Variants in PANK4 observed in about 807,000 individuals in gnomAD.
PANK4 encodes pantothenate kinase 4 (inactive), also known as 4'-phosphopantetheine phosphatase.
PANK4 carries 40 observed loss-of-function variants against 87.9 expected under a neutral mutation model. The observed-to-expected ratio is 0.46, with a 90% CI of 0.35 to 0.59. The LOEUF is 0.59. Among genes scored for constraint, PANK4 ranks in the 20% least tolerant of loss-of-function variants. PANK4 has a pLI of 0.00. For missense variants in PANK4, 926 were observed against 1,072.3 expected (o/e 0.86, Z 1.90); for synonymous variants, 524 against 467.4 (o/e 1.12, Z -1.56).
intron 10 of PANK4, among the ~76,000 whole-genome samples, chr1:2,514,740 G>C (rs907213472): frequency 3.3e-5 from 5 of 151,854 alleles, no homozygotes; most frequent in African/African-American, 1.2e-4. Context: ...CCTGGGCTGT[G>C]GTCAGGGCAG....
chr1:2,519,129 G>A lies in PANK4; in HGVS notation c.1035+14C>T, dbSNP rs778778545. On this transcript the variant is annotated intron_variant, in intron 7 of 18. Coordinates refer to ENST00000378466, the MANE Select transcript of PANK4 (RefSeq NM_018216.4). This position sits in a 1 kb window ranked among gnomAD's most constrained non-coding sequence, Gnocchi z 8.3. ...GTCTGCGTTAGAGGCTGGGGAGGGC[G>A]GCGCATCCGTTACCTTGGAGAAGAA... 9 of 1,606,288 alleles carry A rather than the reference G, an allele frequency of 5.6e-6. No individual in the cohort carries two copies. The highest frequency in any genetic ancestry group is 1.1e-5 in the South Asian group (1 of 90,586).
In PANK4 at chr1:2,519,242, C is replaced by T; in HGVS notation, c.936G>A (p.Arg312=). 1 of 1,612,810 alleles carries T rather than the reference C, an allele frequency of 6.2e-7. No individual in the cohort carries two copies. Among genetic ancestry groups the T allele is most frequent in the Non-Finnish European group, 8.5e-7 (1 of 1,179,882 alleles). ...AGTACACGCGGTCCAGGCTGTGCAG[C>T]CGTGCGTGGAGGCAGGCCAGCTGCC... ...DIGQLACLHA[R]LHSLDRVYFG... is the part of the protein sequence containing the mutation. Residue 312 remains arginine (R), a synonymous_variant, in exon 7 of 19, where the codon CGG becomes CGA. Transcript: ENST00000378466. This position sits in a 1 kb window ranked among gnomAD's most constrained non-coding sequence, Gnocchi z 8.3.
At position 2,519,377 on chromosome 1, in the gene PANK4, A is replaced by T. The variant is rs963600145; in HGVS notation, c.854-53T>A. 1.5e-5 allele frequency: 16 copies of T among 1,088,848 alleles called. No homozygotes were observed. The highest frequency in any genetic ancestry group is 1.9e-5 in the Non-Finnish European group (15 of 799,936). 67.4% of individuals were successfully genotyped at this position (1,088,848 alleles called of 1,614,324 possible). On this transcript the variant is annotated intron_variant, in intron 6 of 18. Coordinates refer to ENST00000378466, the MANE Select transcript of PANK4 (RefSeq NM_018216.4). The surrounding 1 kb of genome is among the most constrained non-coding windows in gnomAD (Gnocchi z 8.3). ...TCTCCAAGTACAGCAAGTGCACGAC[A>T]TGAGAGCGAGCAGGAGGGGAGGGGG...
rs1012732691 is a variant in PANK4 at position 2,518,155 on chromosome 1, A to C, written c.1218+9T>G. ...CTGGGGCCCGGGGCGGCCAGAGCCCACTACTCACAGTGCCACTCCGCGCCC... is the reference window on the plus strand; with the variant it reads ...CTGGGGCCCGGGGCGGCCAGAGCCCCCTACTCACAGTGCCACTCCGCGCCC... On this transcript the variant is annotated intron_variant, in intron 9 of 18. Transcript: ENST00000378466. 2.5e-6 allele frequency: 4 copies of C among 1,583,978 alleles called. No individual in the cohort carries two copies. The African/African-American group carries it at 5.4e-5, about 21-fold the overall frequency.
At chr1:2,518,669 C>A (rs557293231) in intron 7 of PANK4, 72 bp from the exon 8 acceptor site, 8 of 1,281,852 alleles carry the variant, frequency 6.2e-6, no homozygotes, top group South Asian at 2.5e-5. Context: ...ACCAGCTCAA[C>A]GTGCGCGGGC....
rs1320282830 is a variant in PANK4 at position 2,515,260 on chromosome 1, CAA to C, written c.1374+300_1374+301del. 29 of 578,234 alleles carry C rather than the reference CAA, an allele frequency of 5.0e-5. No homozygotes were observed. The East Asian group carries it at 1.1e-3, about 22-fold the overall frequency. The allele number at this position is 578,234 out of a possible 1,614,324, so 35.8% of individuals were successfully genotyped here. ...TGCCTCCCGCACCTCAGTCACACCT[CAA>C]AAGAGCAGAGACGTCTCCTAAATTG... On this transcript the variant is annotated intron_variant, in intron 10 of 18. Transcript: ENST00000378466. The surrounding 1 kb of genome is among the most constrained non-coding windows in gnomAD (Gnocchi z 5.0).
At chr1:2,525,434 G>C (rs1157514269) in intron 1 of PANK4, among the ~76,000 whole-genome samples, 2 of 152,104 alleles carry the variant, frequency 1.3e-5, no homozygotes, top group Non-Finnish European at 1.5e-5. Context: ...AAGAGGGAGA[G>C]GTATGTGAAG....
chr1:2,517,193 A>G (rs879276842), intron 9 of PANK4, among the ~76,000 whole-genome samples: 6 of 151,592 alleles, frequency 4.0e-5, no homozygotes, highest in Non-Finnish European at 5.9e-5. Context: ...CCTCGCCCCC[A>G]CTCCCCTGCC....
chr1:2,508,667 A>G lies in PANK4; in HGVS notation c.*180T>C. The stretch of plus-strand genomic sequence containing the variant: ...AGCAGTTAAATAGATTCCAATATGA[A>G]CGTCTCCCAGGACAAAGCTGCGTCT... On this transcript the variant is annotated 3_prime_UTR_variant, in exon 19 of 19. Coordinates refer to ENST00000378466, the MANE Select transcript of PANK4 (RefSeq NM_018216.4). This position sits in a 1 kb window ranked among gnomAD's most constrained non-coding sequence, Gnocchi z 5.1. The G allele has an allele frequency of 1.8e-6, 1 of 543,688 alleles. No individual in the cohort carries two copies. The highest frequency in any genetic ancestry group is 3.3e-6 in the Non-Finnish European group (1 of 307,626). 33.7% of individuals were successfully genotyped at this position (543,688 alleles called of 1,614,324 possible).
At chr1:2,516,746 T>C (rs1643785296) in intron 9 of PANK4, among the ~76,000 whole-genome samples, 1 of 152,200 alleles carries the variant, frequency 6.6e-6, no homozygotes, top group South Asian at 2.1e-4. Flanking sequence ...CCAAAGCCAG[T>C]GCAGAAGGCG....
intron 9 of PANK4, among the ~76,000 whole-genome samples, chr1:2,517,753 G>A (rs7548829): frequency 0.029 from 4,390 of 152,376 alleles, 152 homozygotes; most frequent in African/African-American, 0.081. Context: ...ATCAGCCACA[G>A]TGCGCGGCAG....
rs1204224942 is a variant in PANK4, at chr1:2,509,956, C to A, written c.2040-26G>T. On this transcript the variant is annotated intron_variant, in intron 17 of 18. Coordinates refer to ENST00000378466, the MANE Select transcript of PANK4 (RefSeq NM_018216.4). The surrounding 1 kb of genome is among the most constrained non-coding windows in gnomAD (Gnocchi z 4.9). Reference sequence around the variant, plus strand: ...CTGCCAGATACAAGGTGGTCAGTGCCCCCAGGAGCTCCCAGTTCAGTGACA... The same window carrying A: ...CTGCCAGATACAAGGTGGTCAGTGCACCCAGGAGCTCCCAGTTCAGTGACA... The A allele has an allele frequency of 6.2e-6, 10 of 1,604,054 alleles. No individual in the cohort carries two copies. The highest frequency in any genetic ancestry group is 7.7e-6 in the Non-Finnish European group (9 of 1,175,498).
chr1:2,522,914 G>A (rs902700164), intron 1 of PANK4, among the ~76,000 whole-genome samples: 1 of 140,972 alleles, frequency 7.1e-6, no homozygotes, highest in Non-Finnish European at 1.5e-5. Flanking sequence ...AGAGGGCACC[G>A]TATGGTGCTA....
chr1:2,509,941 C>T lies in PANK4; in HGVS notation c.2040-11G>A, dbSNP rs1380162722. ...TCCTGGAGCGCAGAGCTGCCAGATA[C>T]AAGGTGGTCAGTGCCCCCAGGAGCT... On this transcript the variant is annotated splice_polypyrimidine_tract_variant and intron_variant, in intron 17 of 18. Coordinates refer to ENST00000378466, the MANE Select transcript of PANK4 (RefSeq NM_018216.4). The surrounding 1 kb of genome is among the most constrained non-coding windows in gnomAD (Gnocchi z 4.9). 1.9e-6 allele frequency: 3 copies of T among 1,610,296 alleles called. No homozygotes were observed. Among genetic ancestry groups the T allele is most frequent in the Middle Eastern group, 1.7e-4 (1 of 6,048 alleles).
rs1266039932 is a variant in PANK4 at position 2,510,633 on chromosome 1, A to G, written c.1938+45T>C. 1.7e-6 allele frequency: 2 copies of G among 1,167,588 alleles called. No homozygotes were observed. Among genetic ancestry groups the G allele is most frequent in the African/African-American group, 3.1e-5 (2 of 65,156 alleles). 72.3% of individuals were successfully genotyped at this position (1,167,588 alleles called of 1,614,324 possible). A position where few individuals can be genotyped will look rare whatever the true frequency, so the allele number is the denominator to read the frequency against. On this transcript the variant is annotated intron_variant, in intron 16 of 18. Coordinates refer to ENST00000378466, the MANE Select transcript of PANK4 (RefSeq NM_018216.4). This position sits in a 1 kb window ranked among gnomAD's most constrained non-coding sequence, Gnocchi z 4.9. ...CAGCGGCGCCAACCCCACCGAGAGC[A>G]GAGAAGCCCAGGGGAAGGGCCCCAC...
In PANK4 at chr1:2,512,961, C is replaced by T. The variant is rs574624164; in HGVS notation, c.1654G>A (p.Glu552Lys). ...VRSLDALGWE[E>K]RQLALVKGLL... ...CCTTTCACCAGCGCCAGCTGCCGTTCCTCCCAGCCCAGCGCGTCCAGGGAG... is the reference window on the plus strand; with the variant it reads ...CCTTTCACCAGCGCCAGCTGCCGTTTCTCCCAGCCCAGCGCGTCCAGGGAG... Residue 552 changes from glutamate to lysine, a missense_variant, in exon 13 of 19, where the codon GAA becomes AAA. Transcript: ENST00000378466. 4 of 1,612,656 alleles carry T rather than the reference C, an allele frequency of 2.5e-6. No individual in the cohort carries two copies. Among genetic ancestry groups the T allele is most frequent in the Middle Eastern group, 1.7e-4 (1 of 6,060 alleles).
chr1:2,509,027 C>A lies in PANK4; in HGVS notation c.2142G>T (p.Arg714=). The change falls in exon 19 of 19, where the codon CGG becomes CGT. Residue 714 remains arginine, a synonymous_variant. Coordinates refer to ENST00000378466, the MANE Select transcript of PANK4 (RefSeq NM_018216.4). This position sits in a 1 kb window ranked among gnomAD's most constrained non-coding sequence, Gnocchi z 4.9. The part of the protein sequence containing the change: ...RLDKGLAALV[R]ERGADLVVIE... Reference sequence around the variant, plus strand: ...TGACCACCAGATCCGCGCCACGCTCCCGCACCAGTGCGGCCAGCCCCTTAT... The same window carrying A: ...TGACCACCAGATCCGCGCCACGCTCACGCACCAGTGCGGCCAGCCCCTTAT... 6.2e-7 allele frequency: 1 copy of A among 1,602,958 alleles called. No individual in the cohort carries two copies. Among genetic ancestry groups the A allele is most frequent in the Middle Eastern group, 1.8e-4 (1 of 5,422 alleles).
intron 8 of PANK4, 24 bp downstream of exon 8, chr1:2,518,491 CA>C (rs1643825140): frequency 1.3e-6 from 2 of 1,540,894 alleles, no homozygotes; most frequent in Non-Finnish European, 8.8e-7. Context: ...CCACGCTGCT[CA>C]GGGGCGCCAG....
At position 2,520,009 on chromosome 1, in the gene PANK4, C is replaced by T. The variant is rs1002010521; in HGVS notation, c.700-55G>A. Reference sequence around the variant, plus strand: ...GCGCCAGGAGCTGCTGGAATCCCCACGACCCCAGAAACCAAGCCCATGGCA... The same window carrying T: ...GCGCCAGGAGCTGCTGGAATCCCCATGACCCCAGAAACCAAGCCCATGGCA... On this transcript the variant is annotated intron_variant, in intron 5 of 18. Transcript: ENST00000378466. This position sits in a 1 kb window ranked among gnomAD's most constrained non-coding sequence, Gnocchi z 6.2. 10 of 1,487,382 alleles carry T rather than the reference C, an allele frequency of 6.7e-6. No individual in the cohort carries two copies. The highest frequency in any genetic ancestry group is 2.2e-5 in the Admixed American group (1 of 45,318). The allele number at this position is 1,487,382 out of a possible 1,614,324, so 92.1% of individuals were successfully genotyped here.
Sources: allele counts gnomAD v4.1 joint callset (sites outside exome capture counted in the v4.1 genomes callset), GRCh38; gene constraint gnomAD v4.1.1; non-coding constraint Gnocchi (gnomAD v3.1); transcripts MANE v1.5; gene names NCBI Gene and HGNC (gene_info 2026-07-23, HGNC 2026-07-21).